Variants in ABCG2 observed in about 807,000 individuals in gnomAD.
ABCG2 encodes the protein broad substrate specificity ATP-binding cassette transporter ABCG2.
Under a neutral mutation model 73.5 loss-of-function variants are expected in ABCG2, and 80 were observed. The ratio of observed to expected loss-of-function variants is 1.09; its 90% CI spans 0.91 to 1.31. The LOEUF is 1.31. Ranked by LOEUF, ABCG2 falls within the 50% of genes most tolerant of loss-of-function variation. The probability of loss-of-function intolerance (pLI) is 0.00; values close to 1 mark genes in which losing one functional copy is unlikely to be tolerated. For missense variants in ABCG2, 796 were observed against 786.2 expected, an observed-to-expected ratio of 1.01 and a Z score of -0.15; for synonymous variants, 269 against 282.4, an observed-to-expected ratio of 0.95 and a Z score of 0.48.
At chr4:88,189,755 T>C (rs1436295751) in intron 1 of ABCG2, among the ~76,000 whole-genome samples, 1 of 152,206 alleles carries the variant, frequency 6.6e-6, no homozygotes, top group East Asian at 1.9e-4. Flanking sequence ...TTTCTCTGGC[T>C]ACAATTGCTA....
intron 10 of ABCG2, among the ~76,000 whole-genome samples, chr4:88,103,426 T>C (rs1722576210): frequency 6.6e-6 from 1 of 152,206 alleles, no homozygotes; most frequent in Non-Finnish European, 1.5e-5. Flanking sequence ...GGTCTGAATA[T>C]TTTTTATTTT....
At chr4:88,205,328 C>A (rs1729333333) in intron 1 of ABCG2, among the ~76,000 whole-genome samples, 1 of 152,208 alleles carries the variant, frequency 6.6e-6, no homozygotes, top group Non-Finnish European at 1.5e-5. Context: ...AAATGCATAG[C>A]ATTAAACCTC....
intron 1 of ABCG2, among the ~76,000 whole-genome samples, chr4:88,228,470 C>T (rs1314023695): frequency 6.6e-6 from 1 of 152,214 alleles, no homozygotes; most frequent in Non-Finnish European, 1.5e-5. Context: ...GCCTACCTGC[C>T]ATCCGCTGTT....
At chr4:88,139,011 C>T (rs1324221482) in intron 2 of ABCG2, among the ~76,000 whole-genome samples, 1 of 151,698 alleles carries the variant, frequency 6.6e-6, no homozygotes, top group Non-Finnish European at 1.5e-5. Context: ...CATGGTGGCA[C>T]ACACCTGTAA....
intron 1 of ABCG2, among the ~76,000 whole-genome samples, chr4:88,154,256 G>C (rs563732395): frequency 3.3e-5 from 5 of 152,320 alleles, no homozygotes; most frequent in African/African-American, 1.2e-4. Flanking sequence ...GGCCCTTGCA[G>C]TGAATGACTC....
intron 5 of ABCG2, among the ~76,000 whole-genome samples, chr4:88,128,732 G>A (rs1195620358): frequency 6.6e-6 from 1 of 152,088 alleles, no homozygotes; most frequent in Non-Finnish European, 1.5e-5. Flanking sequence ...GAGAACACAT[G>A]GACACAGGGA....
At chr4:88,229,282 TCTGA>T (rs1253900080) in intron 1 of ABCG2, among the ~76,000 whole-genome samples, 1 of 152,164 alleles carries the variant, frequency 6.6e-6, no homozygotes, top group Admixed American at 6.5e-5. Flanking sequence ...TGCACACTCC[TCTGA>T]CTATCACTTG....
At position 88,139,975 on chromosome 4, in the gene ABCG2, T is replaced by C; in HGVS notation, c.21A>G (p.Glu7=). Residue 7 remains glutamate, a synonymous_variant, in exon 2 of 16, where the codon GAA becomes GAG. Transcript: ENST00000237612. ...TTCCTTGTGACACTGGGATAAAAAC[T>C]TCGACATTACTGGAAGACATCTGGA... MSSSNV[E]VFIPVSQGNT... 2 of 1,614,056 alleles carry C rather than the reference T, an allele frequency of 1.2e-6. No homozygotes were observed. The highest frequency in any genetic ancestry group is 1.7e-6 in the Non-Finnish European group (2 of 1,179,990).
chr4:88,166,210 TG>T (rs1266838099), intron 1 of ABCG2, among the ~76,000 whole-genome samples: 1 of 152,166 alleles, frequency 6.6e-6, no homozygotes, highest in African/African-American at 2.4e-5. Context: ...AATTCCCTCT[TG>T]GGGAGCTTCA....
rs539753207 is a variant in ABCG2 at position 88,104,562 on chromosome 4, A to G, written c.1277+2622T>C. Among the ~76,000 whole-genome samples the G allele has an allele frequency of 3.2e-4, 48 of 152,312 alleles. 1 individual carries two copies. Among genetic ancestry groups the G allele is most frequent in the South Asian group, 1.7e-3 (8 of 4,816 alleles). Reference sequence around the variant, plus strand: ...AAATAGCTAATGCATACTGGGCTTAACACCAAAGTGATGGATTGATAGGTG... The same window carrying G: ...AAATAGCTAATGCATACTGGGCTTAGCACCAAAGTGATGGATTGATAGGTG... On this transcript the variant is annotated intron_variant, in intron 10 of 15. Transcript: ENST00000237612.
chr4:88,099,198 G>A, intron 12 of ABCG2, 126 bp downstream of exon 12: 1 of 861,738 alleles, frequency 1.2e-6, no homozygotes, highest in Non-Finnish European at 1.7e-6. Flanking sequence ...AAAATGGACA[G>A]GTGTTTCCTT....
intron 1 of ABCG2, among the ~76,000 whole-genome samples, chr4:88,166,814 TAGAC>T (rs903604290): frequency 2.6e-5 from 4 of 152,140 alleles, no homozygotes; most frequent in Admixed American, 1.3e-4. Context: ...AAGCCAGGAA[TAGAC>T]AGAGAGAAAG....
At position 88,158,484 on chromosome 4, in the gene ABCG2, T is replaced by G; in HGVS notation, c.-118A>C. The G allele has an allele frequency of 8.8e-6, 4 of 456,266 alleles. No homozygotes were observed. The highest frequency in any genetic ancestry group is 8.8e-6 in the Non-Finnish European group (2 of 226,888). The allele number at this position is 456,266 out of a possible 1,614,324, so 28.3% of individuals were successfully genotyped here. A position where few individuals can be genotyped will look rare whatever the true frequency, so the allele number is the denominator to read the frequency against. ...ACAATTAAGGATGTAAATGTTGGGA[T>G]GAGTCACCCGGACCTTCCAAACAAA... On this transcript the variant is annotated 5_prime_UTR_variant, in exon 1 of 16. Transcript: ENST00000237612.
intron 1 of ABCG2, among the ~76,000 whole-genome samples, chr4:88,191,814 G>T (rs1728704971): frequency 6.6e-6 from 1 of 152,124 alleles, no homozygotes; most frequent in Admixed American, 6.5e-5. Context: ...CTACAAGATG[G>T]ATAAACCTCA....
At chr4:88,209,412 C>T (rs942126337) in intron 1 of ABCG2, among the ~76,000 whole-genome samples, 6 of 151,436 alleles carry the variant, frequency 4.0e-5, no homozygotes, top group Non-Finnish European at 5.9e-5. Flanking sequence ...ACTTATAATC[C>T]CAGCACTTTC....
chr4:88,176,770 G>A (rs1310284285), intron 1 of ABCG2, among the ~76,000 whole-genome samples: 3 of 149,742 alleles, frequency 2.0e-5, no homozygotes, highest in African/African-American at 7.4e-5. Context: ...GGGATTATAG[G>A]TATAAGCCAC....
intron 2 of ABCG2, among the ~76,000 whole-genome samples, chr4:88,136,709 T>G (rs1725270014): frequency 6.6e-6 from 1 of 151,774 alleles, no homozygotes; most frequent in African/African-American, 2.4e-5. Flanking sequence ...TTGTCTCTAA[T>G]AAAATTTGTT....
At chr4:88,226,417 C>T (rs1033692692) in intron 1 of ABCG2, among the ~76,000 whole-genome samples, 5 of 152,114 alleles carry the variant, frequency 3.3e-5, no homozygotes, top group Non-Finnish European at 7.4e-5. Context: ...CACCTACAAC[C>T]GAAAAGAACA....
chr4:88,178,031 A>G (rs1056444666), intron 1 of ABCG2, among the ~76,000 whole-genome samples: 12 of 152,180 alleles, frequency 7.9e-5, no homozygotes, highest in African/African-American at 2.2e-4. Context: ...TTTTGGTGCT[A>G]TGCTGGGCTC....
Sources: gnomAD v4.1 joint callset for allele counts (sites outside exome capture counted in the v4.1 genomes callset) on GRCh38, gnomAD v4.1.1 for gene constraint, MANE v1.5 for transcripts, NCBI Gene and HGNC (gene_info 2026-07-23, HGNC 2026-07-21) for gene names.